Variants in ZNF267 observed in about 807,000 individuals in gnomAD.
ZNF267 encodes the protein zinc finger (C2H2).
A neutral mutation model predicts 71.6 loss-of-function variants in ZNF267; 61 were observed. The ratio of observed to expected loss-of-function variants is 0.85; its 90% CI spans 0.69 to 1.05. The LOEUF is 1.05. Ranked by LOEUF, ZNF267 falls within the 50% of genes least tolerant of loss-of-function variation. The pLI is 0.00. For missense variants in ZNF267, 852 were observed against 870.0 expected, an observed-to-expected ratio of 0.98 and a Z score of 0.26; for synonymous variants, 288 against 293.2, an observed-to-expected ratio of 0.98 and a Z score of 0.18.
chr16:31,909,211 A>C (rs1158052495), intron 3 of ZNF267, among the ~76,000 whole-genome samples: 2 of 144,964 alleles, frequency 1.4e-5, no homozygotes, highest in Non-Finnish European at 3.0e-5. Flanking sequence ...GGCTCACTGC[A>C]ACCTCCGCCT....
At chr16:31,884,661 A>C (rs760543054) in intron 2 of ZNF267, 37 bp downstream of exon 2, 4 of 1,582,632 alleles carry the variant, frequency 2.5e-6, no homozygotes, top group African/African-American at 1.4e-5. Flanking sequence ...CTAATAACTA[A>C]GAGTTTTATT....
intron 1 of ZNF267, among the ~76,000 whole-genome samples, chr16:31,882,186 C>T (rs2083895242): frequency 6.6e-6 from 1 of 152,170 alleles, no homozygotes; most frequent in Non-Finnish European, 1.5e-5. Context: ...ATACTGTGAG[C>T]ACATAGTACA....
chr16:31,896,524 A>G (rs547758601), intron 3 of ZNF267, among the ~76,000 whole-genome samples: 1 of 152,190 alleles, frequency 6.6e-6, no homozygotes, highest in East Asian at 1.9e-4. Flanking sequence ...TTCCTGCATC[A>G]TTTATTGAGG....
At chr16:31,880,016 CCT>C (rs768821038) in intron 1 of ZNF267, among the ~76,000 whole-genome samples, 1 of 152,124 alleles carries the variant, frequency 6.6e-6, no homozygotes, top group Admixed American at 6.5e-5. Context: ...AGGGCTGTCT[CCT>C]CTAGTTTTCT....
intron 3 of ZNF267, among the ~76,000 whole-genome samples, chr16:31,888,926 A>ATT (rs1379169587): frequency 1.3e-5 from 2 of 151,852 alleles, no homozygotes; most frequent in Non-Finnish European, 2.9e-5. Context: ...CCATGAAGTC[A>ATT]TTTGGTCATG....
intron 3 of ZNF267, among the ~76,000 whole-genome samples, chr16:31,889,182 G>A (rs139572447): frequency 1.9e-4 from 27 of 141,866 alleles, no homozygotes; most frequent in Admixed American, 1.9e-3. Context: ...TTTTCCCTTG[G>A]ATAATCTAGG....
At chr16:31,884,330 C>T (rs2083909164) in intron 1 of ZNF267, among the ~76,000 whole-genome samples, 168 bp from the exon 2 acceptor site, 2 of 152,128 alleles carry the variant, frequency 1.3e-5, no homozygotes, top group African/African-American at 2.4e-5. Flanking sequence ...ATTTTCTTTC[C>T]ACAGAGTTTG....
At chr16:31,885,042 T>C (rs2083914268) in intron 2 of ZNF267, 119 bp from the exon 3 acceptor site, 1 of 648,416 alleles carries the variant, frequency 1.5e-6, no homozygotes, top group Non-Finnish European at 2.4e-6. Flanking sequence ...TTATTTTTTC[T>C]ACTGAGCACA....
At chr16:31,892,419 G>T (rs975962359) in intron 3 of ZNF267, among the ~76,000 whole-genome samples, 3 of 152,030 alleles carry the variant, frequency 2.0e-5, no homozygotes, top group African/African-American at 7.3e-5. Context: ...ATATCATTCC[G>T]CCCCTGGCCT....
At chr16:31,906,711 A>T (rs2084093582) in intron 3 of ZNF267, among the ~76,000 whole-genome samples, 1 of 151,850 alleles carries the variant, frequency 6.6e-6, no homozygotes, top group African/African-American at 2.4e-5. Flanking sequence ...GAATTCCCTG[A>T]CCCATTGCAC....
intron 1 of ZNF267, chr16:31,875,080 C>T (rs2083842607): frequency 4.7e-6 from 6 of 1,270,336 alleles, no homozygotes; most frequent in Non-Finnish European, 6.2e-6. Flanking sequence ...TTTCATTCAT[C>T]TTCCCCAGGC....
At chr16:31,905,259 A>T (rs562619537) in intron 3 of ZNF267, among the ~76,000 whole-genome samples, 1 of 151,920 alleles carries the variant, frequency 6.6e-6, no homozygotes, top group Admixed American at 6.6e-5. Context: ...TGACAATTAT[A>T]TGTCTTGGAG....
chr16:31,902,225 C>T (rs1281616423), intron 3 of ZNF267, among the ~76,000 whole-genome samples: 2 of 151,988 alleles, frequency 1.3e-5, no homozygotes, highest in Non-Finnish European at 2.9e-5. Flanking sequence ...AGTCAGGTAG[C>T]ATGATGCCTC....
chr16:31,900,024 AATGTGTTT>A (rs1434277676), intron 3 of ZNF267, among the ~76,000 whole-genome samples: 2 of 151,874 alleles, frequency 1.3e-5, no homozygotes, highest in Non-Finnish European at 2.9e-5. Flanking sequence ...ACACACACAC[AATGTGTTT>A]ATTTATATAT....
intron 3 of ZNF267, among the ~76,000 whole-genome samples, chr16:31,904,218 A>G (rs1017278225): frequency 4.6e-5 from 7 of 152,148 alleles, no homozygotes; most frequent in Admixed American, 2.0e-4. Context: ...TATGTGGTCA[A>G]TTTTGGAATA....
intron 1 of ZNF267, among the ~76,000 whole-genome samples, chr16:31,874,848 C>T (rs779727848): frequency 6.6e-5 from 10 of 152,114 alleles, no homozygotes; most frequent in Admixed American, 3.9e-4. Flanking sequence ...AGTTCCTTCC[C>T]GACATTTCCA....
At chr16:31,890,030 C>T (rs1276838515) in intron 3 of ZNF267, among the ~76,000 whole-genome samples, 2 of 152,070 alleles carry the variant, frequency 1.3e-5, no homozygotes. Context: ...GACTTGTTTT[C>T]TATTTTTGGT....
At chr16:31,896,154 A>G (rs1041041647) in intron 3 of ZNF267, among the ~76,000 whole-genome samples, 3 of 145,474 alleles carry the variant, frequency 2.1e-5, no homozygotes, top group Non-Finnish European at 4.5e-5. Flanking sequence ...CTCACTATAG[A>G]CACGTGCCAC....
In ZNF267 at chr16:31,914,441, G is replaced by C. The variant is rs767167857; in HGVS notation, c.227-35G>C. The C allele has an allele frequency of 4.0e-6, 6 of 1,500,740 alleles. No homozygotes were observed. The South Asian group carries it at 5.4e-5, about 14-fold the overall frequency. 93.0% of individuals were successfully genotyped at this position (1,500,740 alleles called of 1,614,324 possible). ...TGTAAAATATATGTACCTGAATATA[G>C]TAATTGGAATTCTTAAAATTTTTAT... On this transcript the variant is annotated intron_variant, in intron 3 of 3. Transcript: ENST00000300870.
Sources: allele counts gnomAD v4.1 joint callset (sites outside exome capture counted in the v4.1 genomes callset), GRCh38; gene constraint gnomAD v4.1.1; transcripts MANE v1.5; gene names NCBI Gene and HGNC (gene_info 2026-07-23, HGNC 2026-07-21).